The following JAKMIP3 variants were observed in gnomAD, a reference collection of about 807,000 sequenced individuals.
JAKMIP3 encodes Janus kinase and microtubule interacting protein 3, also known as janus kinase and microtubule-interacting protein 3.
A neutral mutation model predicts 118.5 loss-of-function variants in JAKMIP3; 58 were observed. That is an observed-to-expected ratio of 0.49 (90% confidence interval 0.40 to 0.61). The LOEUF (loss-of-function observed/expected upper bound fraction) is 0.61. Ranked by LOEUF, JAKMIP3 falls within the 20% of genes least tolerant of loss-of-function variation. The pLI is 0.00. For synonymous variants in JAKMIP3, 486 were observed against 451.2 expected (o/e 1.08, Z -0.98); for missense variants, 950 against 1,109.0 (o/e 0.86, Z 2.04).
At chr10:132,061,655 T>C (rs542049440), upstream of JAKMIP3, among the ~76,000 whole-genome samples, 1 of 152,178 alleles carries the variant, frequency 6.6e-6, no homozygotes, top group South Asian at 2.1e-4. Context: ...CCACCCAAGC[T>C]GGCATTGCCA....
chr10:132,102,480 A>T (rs2045121501), intron 1 of JAKMIP3, among the ~76,000 whole-genome samples: 1 of 152,044 alleles, frequency 6.6e-6, no homozygotes, highest in Admixed American at 6.5e-5. Context: ...CCCGTCTCAC[A>T]CGTGCAGAGC....
chr10:132,145,554 C>A lies in JAKMIP3; in HGVS notation c.1723C>A (p.Arg575=). The A allele has an allele frequency of 1.3e-6, 2 of 1,565,264 alleles. No individual in the cohort carries two copies. Among genetic ancestry groups the A allele is most frequent in the East Asian group, 2.4e-5 (1 of 42,040 alleles). ...KWIEEKQALY[R]RNQELVEKIK... The stretch of plus-strand genomic sequence containing the variant: ...GATTGAAGAGAAGCAGGCACTGTAC[C>A]GGAGAAATCAAGAGCTTGTGGAAAA... Residue 575 remains arginine, a synonymous_variant, in exon 13 of 24, where the codon CGG becomes AGG. Coordinates refer to ENST00000684848, the MANE Select transcript of JAKMIP3 (RefSeq NM_001323087.2).
chr10:132,127,392 T>TTTTGTGTG (rs1554941558), intron 3 of JAKMIP3, among the ~76,000 whole-genome samples: 1 of 146,868 alleles, frequency 6.8e-6, no homozygotes, highest in Non-Finnish European at 1.5e-5. Context: ...CTGGCTAATT[T>TTTTGTGTG]TGTGTGTGTG....
rs368810795 is a variant in JAKMIP3, at chr10:132,140,564, C to T, written c.1458C>T (p.Asp486=). 6.2e-6 allele frequency: 10 copies of T among 1,610,570 alleles called. No homozygotes were observed. The highest frequency in any genetic ancestry group is 1.3e-5 in the African/African-American group (1 of 74,866). The part of the protein sequence containing the change: ...DRTDQTPCTP[D]DDLEEGMAKE... ...CGGACCAGACCCCGTGCACCCCGGA[C>T]GATGACTTGGAGGAGGTAACGAGGG... Residue 486 remains aspartate, a synonymous_variant, in exon 10 of 24, where the codon GAC becomes GAT. Coordinates refer to ENST00000684848, the MANE Select transcript of JAKMIP3 (RefSeq NM_001323087.2).
chr10:132,163,509 C>T, intron 20 of JAKMIP3, 97 bp downstream of exon 20: 2 of 1,112,732 alleles, frequency 1.8e-6, no homozygotes, highest in Non-Finnish European at 2.6e-6. Context: ...CCAACCACTA[C>T]CCCTCTGTGG....
intron 14 of JAKMIP3, 128 bp downstream of exon 14, chr10:132,148,178 G>C (rs2055030117): frequency 1.7e-6 from 1 of 588,788 alleles, no homozygotes; most frequent in Non-Finnish European, 3.0e-6. Context: ...GGCTGCGTCA[G>C]GGAGGAAAGA....
At chr10:132,163,433 G>T in intron 20 of JAKMIP3, 21 bp downstream of exon 20, 1 of 1,574,806 alleles carries the variant, frequency 6.3e-7, no homozygotes, top group Non-Finnish European at 8.6e-7. Context: ...GGCGGGGGCA[G>T]GGCTGGCGTG....
intron 4 of JAKMIP3, 131 bp downstream of exon 4, chr10:132,133,658 G>A: frequency 1.2e-6 from 1 of 803,702 alleles, no homozygotes; most frequent in South Asian, 1.7e-5. Flanking sequence ...TCCTGCCTGG[G>A]CACCTCCCCA....
chr10:132,110,031 G>C (rs1274411138), intron 2 of JAKMIP3, among the ~76,000 whole-genome samples: 1 of 152,214 alleles, frequency 6.6e-6, no homozygotes, highest in Non-Finnish European at 1.5e-5. Flanking sequence ...TGTGGAACTG[G>C]AGCCTCCTAT....
At chr10:132,123,224 G>A (rs1236968348) in intron 3 of JAKMIP3, among the ~76,000 whole-genome samples, 1 of 152,192 alleles carries the variant, frequency 6.6e-6, no homozygotes, top group Non-Finnish European at 1.5e-5. Flanking sequence ...GCCGAGCTGG[G>A]GCCCCAGAAG....
At chr10:132,099,553 T>G (rs543973428) in intron 1 of JAKMIP3, among the ~76,000 whole-genome samples, 6 of 152,204 alleles carry the variant, frequency 3.9e-5, no homozygotes, top group Non-Finnish European at 7.3e-5. Flanking sequence ...AAGCACTCTG[T>G]CTACGGGGGT....
At chr10:132,156,969 C>T (rs1014858934) in intron 19 of JAKMIP3, among the ~76,000 whole-genome samples, 2 of 152,106 alleles carry the variant, frequency 1.3e-5, no homozygotes, top group African/African-American at 4.8e-5. Flanking sequence ...GCCCAGCACA[C>T]AGAGAAAGAC....
chr10:132,099,650 T>G (rs7899203), intron 1 of JAKMIP3, among the ~76,000 whole-genome samples: 92,991 of 151,890 alleles, frequency 0.61, 28,722 homozygotes, highest in East Asian at 0.71. Context: ...TTATTTTTCC[T>G]GGTCAAATGC....
chr10:132,081,243 C>G (rs1434731365), intron 1 of JAKMIP3, among the ~76,000 whole-genome samples: 1 of 152,184 alleles, frequency 6.6e-6, no homozygotes, highest in East Asian at 1.9e-4. Context: ...GTACCCTTGT[C>G]AAAGATCATT....
At chr10:132,176,298 G>A (rs2060133875) in intron 23 of JAKMIP3, among the ~76,000 whole-genome samples, 1 of 152,216 alleles carries the variant, frequency 6.6e-6, no homozygotes. Flanking sequence ...CATTTGCATG[G>A]CAGAACCAGC....
chr10:132,063,755 G>C (rs574346948), upstream of JAKMIP3, among the ~76,000 whole-genome samples: 8 of 152,102 alleles, frequency 5.3e-5, no homozygotes, highest in Admixed American at 6.5e-5. Flanking sequence ...TGTTTTTTCT[G>C]ATTCTAAAAA....
At chr10:132,154,962 TATC>T (rs1287955126) in intron 19 of JAKMIP3, among the ~76,000 whole-genome samples, 7 of 8,682 alleles carry the variant, frequency 8.1e-4, no homozygotes, top group Non-Finnish European at 1.3e-3. Flanking sequence ...TGATAATGGT[TATC>T]ATGATGGTGA....
At chr10:132,143,763 C>T (rs2054049924) in intron 11 of JAKMIP3, 1 of 152,194 alleles carries the variant, frequency 6.6e-6, no homozygotes. Context: ...AGAGGACAGG[C>T]GTCTGAAGAC....
chr10:132,100,799 G>A (rs150775933), intron 1 of JAKMIP3, among the ~76,000 whole-genome samples: 2,344 of 151,518 alleles, frequency 0.015, 72 homozygotes, highest in African/African-American at 0.053. Flanking sequence ...GAGGAACCCC[G>A]GCCGCGCTCC....
Sources: gnomAD v4.1 joint callset for allele counts (sites outside exome capture counted in the v4.1 genomes callset) on GRCh38, gnomAD v4.1.1 for gene constraint, MANE v1.5 for transcripts, NCBI Gene and HGNC (gene_info 2026-07-23, HGNC 2026-07-21) for gene names.